Variants in MBD5 observed in about 807,000 individuals in gnomAD.
MBD5 encodes methyl-CpG binding domain protein 5, also known as methyl-CpG-binding domain protein 5.
In MBD5, 13 loss-of-function variants were observed where a neutral mutation model predicts 117.3. The ratio of observed to expected loss-of-function variants is 0.11; its 90% CI spans 0.07 to 0.18. The LOEUF (loss-of-function observed/expected upper bound fraction) is 0.18. Ranked by LOEUF, MBD5 falls within the 10% of genes least tolerant of loss-of-function variation. The pLI, the probability that MBD5 is intolerant of heterozygous loss-of-function variation, is 1.00. For synonymous variants in MBD5, 727 were observed against 766.4 expected (o/e 0.95, Z 0.85); for missense variants, 1,879 against 2,093.8 (o/e 0.90, Z 2.00).
rs567082052 is a variant in MBD5, at chr2:148,451,288, T to C, written c.-556-6915T>C. On this transcript the variant is annotated intron_variant, in intron 4 of 13. Coordinates refer to ENST00000642680, the MANE Select transcript of MBD5 (RefSeq NM_001378120.1). The stretch of plus-strand genomic sequence containing the variant: ...GGAAGAAGTGACTGCACAGTGAAGA[T>C]AAGCAATGAAAATAATAACTAAACC... Among the ~76,000 whole-genome samples, 26 of 152,216 alleles carry C rather than the reference T, an allele frequency of 1.7e-4. No individual in the cohort carries two copies. The South Asian group carries it at 5.4e-3, about 32-fold the overall frequency.
At chr2:148,248,654 T>A (rs1285766553) in intron 3 of MBD5, among the ~76,000 whole-genome samples, 1 of 151,976 alleles carries the variant, frequency 6.6e-6, no homozygotes, top group East Asian at 1.9e-4. Context: ...GTCTGTTTAA[T>A]AAAGAAATAT....
At chr2:148,122,536 A>C (rs1025664896) in intron 1 of MBD5, among the ~76,000 whole-genome samples, 1 of 152,182 alleles carries the variant, frequency 6.6e-6, no homozygotes, top group African/African-American at 2.4e-5. Context: ...CAAAGTTGTT[A>C]ATGTTTAAAA....
chr2:148,294,414 C>T (rs1475198776), intron 3 of MBD5, among the ~76,000 whole-genome samples: 3 of 149,512 alleles, frequency 2.0e-5, no homozygotes, highest in African/African-American at 7.4e-5. Context: ...TTAGTAGAGA[C>T]AGGGTTTCAC....
intron 3 of MBD5, among the ~76,000 whole-genome samples, chr2:148,318,003 T>G (rs1252662715): frequency 6.6e-6 from 1 of 152,236 alleles, no homozygotes; most frequent in Non-Finnish European, 1.5e-5. Flanking sequence ...ATTGTAGTTC[T>G]ATTCTTAGTT....
At chr2:148,338,715 C>T (rs570777553) in intron 3 of MBD5, among the ~76,000 whole-genome samples, 1 of 152,258 alleles carries the variant, frequency 6.6e-6, no homozygotes, top group African/African-American at 2.4e-5. Flanking sequence ...TCTGAGTCAC[C>T]TCTGAGGATA....
intron 2 of MBD5, among the ~76,000 whole-genome samples, chr2:148,206,459 T>C (rs1699286082): frequency 6.6e-6 from 1 of 152,220 alleles, no homozygotes; most frequent in Non-Finnish European, 1.5e-5. Context: ...GTTTACCATT[T>C]CTTTGGGTTA....
chr2:148,370,040 T>A (rs1703809207), intron 4 of MBD5, among the ~76,000 whole-genome samples: 1 of 152,180 alleles, frequency 6.6e-6, no homozygotes, highest in Admixed American at 6.5e-5. Flanking sequence ...AGGAACATTT[T>A]TCTTCCTCTA....
intron 7 of MBD5, 123 bp from the exon 8 acceptor site, chr2:148,468,218 A>G (rs903413457): frequency 2.7e-6 from 2 of 732,636 alleles, no homozygotes; most frequent in African/African-American, 1.8e-5. Flanking sequence ...TTTTATTTAC[A>G]GATTCCTATT....
chr2:148,089,658 A>G (rs1695886005), intron 1 of MBD5, among the ~76,000 whole-genome samples: 1 of 152,138 alleles, frequency 6.6e-6, no homozygotes, highest in South Asian at 2.1e-4. Flanking sequence ...TAATAGTGAC[A>G]CAACTTATCA....
chr2:148,134,583 T>C (rs1697131481), intron 1 of MBD5, among the ~76,000 whole-genome samples: 1 of 152,212 alleles, frequency 6.6e-6, no homozygotes. Flanking sequence ...GATGAAAGCT[T>C]AAGAATGTTT....
At chr2:148,038,861 A>G (rs1043085535) in intron 1 of MBD5, among the ~76,000 whole-genome samples, 1 of 152,096 alleles carries the variant, frequency 6.6e-6, no homozygotes, top group Non-Finnish European at 1.5e-5. Context: ...AAAAATATAT[A>G]TTAAATAGAA....
intron 12 of MBD5, among the ~76,000 whole-genome samples, chr2:148,507,725 A>C (rs1289119007): frequency 6.7e-6 from 1 of 149,962 alleles, no homozygotes; most frequent in African/African-American, 2.5e-5. Context: ...GCGCCACTGC[A>C]CTCCAGCCTG....
intron 3 of MBD5, among the ~76,000 whole-genome samples, chr2:148,314,359 A>G (rs1702106350): frequency 1.4e-5 from 2 of 145,588 alleles, no homozygotes; most frequent in Admixed American, 7.1e-5. Flanking sequence ...TTCAGCAATT[A>G]ATGTTTCAGT....
intron 1 of MBD5, among the ~76,000 whole-genome samples, chr2:148,057,838 G>A (rs545692453): frequency 1.6e-4 from 24 of 151,902 alleles, no homozygotes; most frequent in Admixed American, 1.5e-3. Context: ...AAAAAATAAA[G>A]TTAGATTCTA....
chr2:148,045,448 A>T (rs1404603154), intron 1 of MBD5, among the ~76,000 whole-genome samples: 1 of 152,232 alleles, frequency 6.6e-6, no homozygotes, highest in East Asian at 1.9e-4. Flanking sequence ...TCTTACGAAG[A>T]ACACATGAAG....
chr2:148,051,448 T>C (rs551427900), intron 1 of MBD5, among the ~76,000 whole-genome samples: 74 of 151,980 alleles, frequency 4.9e-4, no homozygotes, highest in African/African-American at 1.8e-3. Flanking sequence ...CTGGAATGCT[T>C]AGTACAATAT....
chr2:148,235,712 G>A (rs1212225939), intron 3 of MBD5, among the ~76,000 whole-genome samples: 1 of 151,338 alleles, frequency 6.6e-6, no homozygotes, highest in Non-Finnish European at 1.5e-5. Flanking sequence ...GCACTATACT[G>A]TAATCTATTC....
chr2:148,025,623 A>C (rs1015218319), intron 1 of MBD5: 1 of 150,446 alleles, frequency 6.6e-6, no homozygotes, highest in African/African-American at 2.4e-5. Context: ...TTTTTATCTC[A>C]TATAACAGAT....
rs1681475025 is a variant in MBD5, at chr2:148,490,089, A to C, written c.4457A>C (p.Asn1486Thr). 1.9e-6 allele frequency: 3 copies of C among 1,614,124 alleles called. No individual in the cohort carries two copies. Among genetic ancestry groups the C allele is most frequent in the Non-Finnish European group, 2.5e-6 (3 of 1,180,020 alleles). ...CACCCAATACTGTTACCACCAAGAAACTGTCCAGGGGATAAAATTCTAGAG... is the reference window on the plus strand; with the variant it reads ...CACCCAATACTGTTACCACCAAGAACCTGTCCAGGGGATAAAATTCTAGAG... ...EQHPILLPPR[N>T]CPGDKILEEN... Residue 1486 changes from asparagine (N) to threonine (T), a missense_variant, in exon 11 of 14, where the codon AAC (asparagine) becomes ACC (threonine). Physicochemically the swap from Asn to Thr is moderately conservative, Grantham distance 65 (BLOSUM62 0). This residue lies in a region of MBD5 where 1,666 missense variants were observed against 1,792.2 expected (regional missense o/e 0.93). Transcript: ENST00000642680.
Sources: gnomAD v4.1 joint callset for allele counts (sites outside exome capture counted in the v4.1 genomes callset) on GRCh38, gnomAD v4.1.1 for gene constraint, gnomAD v4.1.1 regional missense constraint, MANE v1.5 for transcripts, NCBI Gene and HGNC (gene_info 2026-07-23, HGNC 2026-07-21) for gene names.